Variants in PPM1A observed in about 807,000 individuals in gnomAD.
PPM1A encodes protein phosphatase 1A.
PPM1A carries 7 observed loss-of-function variants against 35.0 expected under a neutral mutation model. The ratio of observed to expected loss-of-function variants is 0.20; its 90% CI spans 0.11 to 0.38. The LOEUF (loss-of-function observed/expected upper bound fraction) is 0.38. Ranked by LOEUF, PPM1A falls within the 10% of genes least tolerant of loss-of-function variation. The pLI, the probability that PPM1A is intolerant of heterozygous loss-of-function variation, is 1.00. For missense variants in PPM1A, 239 were observed against 467.8 expected, an observed-to-expected ratio of 0.51 and a Z score of 4.51; for synonymous variants, 153 against 167.3, an observed-to-expected ratio of 0.91 and a Z score of 0.66.
At chr14:60,278,947 TG>T (rs1886073404) in intron 1 of PPM1A, among the ~76,000 whole-genome samples, 1 of 152,184 alleles carries the variant, frequency 6.6e-6, no homozygotes, top group Admixed American at 6.5e-5. Flanking sequence ...TATGTCACCT[TG>T]GATGGATGGA....
intron 1 of PPM1A, among the ~76,000 whole-genome samples, chr14:60,253,284 T>A (rs1180376509): frequency 6.6e-6 from 1 of 152,146 alleles, no homozygotes; most frequent in African/African-American, 2.4e-5. Context: ...CTAAACTACT[T>A]CTAGATACAG....
At chr14:60,280,828 G>C (rs182345951) in intron 1 of PPM1A, among the ~76,000 whole-genome samples, 293 of 152,234 alleles carry the variant, frequency 1.9e-3, no homozygotes, top group African/African-American at 6.4e-3. Flanking sequence ...TGGAAATTCT[G>C]ATTTGGAAAT....
chr14:60,277,767 G>C (rs1335784213), intron 1 of PPM1A, among the ~76,000 whole-genome samples: 1 of 152,192 alleles, frequency 6.6e-6, no homozygotes, highest in Non-Finnish European at 1.5e-5. Context: ...GCCAGGCTCT[G>C]TATGGGTGCC....
At chr14:60,281,791 T>G (rs1188009759) in intron 1 of PPM1A, among the ~76,000 whole-genome samples, 1 of 152,218 alleles carries the variant, frequency 6.6e-6, no homozygotes, top group Non-Finnish European at 1.5e-5. Context: ...AGCTGAGCCT[T>G]CAGGCTTGTC....
At chr14:60,267,335 G>A (rs904166322) in intron 1 of PPM1A, 42 of 152,002 alleles carry the variant, frequency 2.8e-4, no homozygotes, top group African/African-American at 6.0e-4. Context: ...ATCCCTTTCA[G>A]AATATGATGA....
In PPM1A at chr14:60,296,556, GTTTTTC is replaced by G. The variant is rs1888077565; in HGVS notation, c.*4079_*4084del. On this transcript the variant is annotated 3_prime_UTR_variant, in exon 6 of 6. Transcript: ENST00000395076. This position sits in a 1 kb window ranked among gnomAD's most constrained non-coding sequence, Gnocchi z 4.4. Reference sequence around the variant, plus strand: ...CATTTTTTGAGTATCTAGTCTTCTAGTTTTTCTTTTAGGCATTAGGAAGCCTTCTTT... The same window carrying G: ...CATTTTTTGAGTATCTAGTCTTCTAGTTTTAGGCATTAGGAAGCCTTCTTT... 3.2e-6 allele frequency: 1 copy of G among 315,274 alleles called. No homozygotes were observed. The highest frequency in any genetic ancestry group is 5.9e-6 in the Non-Finnish European group (1 of 170,582). The allele number at this position is 315,274 out of a possible 1,614,324, so 19.5% of individuals were successfully genotyped here.
chr14:60,287,852 T>C, intron 3 of PPM1A: 1 of 984,860 alleles, frequency 1.0e-6, no homozygotes, highest in Non-Finnish European at 1.2e-6. Flanking sequence ...CTGACTACCT[T>C]AGCTTTAAAG....
At chr14:60,285,589 A>G in intron 2 of PPM1A, 35 bp from the exon 3 acceptor site, 9 of 1,606,194 alleles carry the variant, frequency 5.6e-6, no homozygotes, top group Non-Finnish European at 7.7e-6. Flanking sequence ...GAGCAAAAAG[A>G]AAACTAAAAT....
chr14:60,284,849 C>T (rs992823711), intron 2 of PPM1A, among the ~76,000 whole-genome samples: 2 of 151,612 alleles, frequency 1.3e-5, no homozygotes, highest in African/African-American at 4.8e-5. Context: ...AATCAAGGCC[C>T]TTGACTTGGG....
chr14:60,259,893 A>G (rs1346850608), intron 1 of PPM1A, among the ~76,000 whole-genome samples: 1 of 152,030 alleles, frequency 6.6e-6, no homozygotes, highest in Non-Finnish European at 1.5e-5. Flanking sequence ...ACATGCCTTT[A>G]TAGAAATTTA....
Position 60,294,558 on chromosome 14 carries a change from C to T in PPM1A, c.*2076C>T, listed in dbSNP as rs1449774258. On this transcript the variant is annotated 3_prime_UTR_variant, in exon 6 of 6. Coordinates refer to ENST00000395076, the MANE Select transcript of PPM1A (RefSeq NM_021003.5). ...AAAGCTAAATCCCTATTATAACAAACCAGTTCCTTAATATTTTAAGTAGAC... is the reference window on the plus strand; with the variant it reads ...AAAGCTAAATCCCTATTATAACAAATCAGTTCCTTAATATTTTAAGTAGAC... 1 of 151,806 alleles carries T rather than the reference C, an allele frequency of 6.6e-6. No homozygotes were observed. The highest frequency in any genetic ancestry group is 1.5e-5 in the Non-Finnish European group (1 of 67,816). The allele number at this position is 151,806 out of a possible 1,614,324, so 9.4% of individuals were successfully genotyped here. A position where few individuals can be genotyped will look rare whatever the true frequency, so the allele number is the denominator to read the frequency against.
At chr14:60,280,116 C>T (rs886956311) in intron 1 of PPM1A, among the ~76,000 whole-genome samples, 1 of 152,188 alleles carries the variant, frequency 6.6e-6, no homozygotes, top group African/African-American at 2.4e-5. Flanking sequence ...AGCCATTCTT[C>T]TGCCTCAGCC....
chr14:60,247,615 G>C (rs1343906888), upstream of PPM1A, among the ~76,000 whole-genome samples: 1 of 119,112 alleles, frequency 8.4e-6, no homozygotes, highest in Non-Finnish European at 1.6e-5. Context: ...ATGAAAGAGC[G>C]AGACTCTGTC....
At chr14:60,253,275 T>C (rs997685451) in intron 1 of PPM1A, among the ~76,000 whole-genome samples, 1 of 152,166 alleles carries the variant, frequency 6.6e-6, no homozygotes, top group African/African-American at 2.4e-5. Context: ...CTTTTGAGAC[T>C]AAACTACTTC....
chr14:60,246,185 G>A (rs568521734), upstream of PPM1A: 19 of 845,804 alleles, frequency 2.2e-5, no homozygotes, highest in East Asian at 1.1e-4. Flanking sequence ...TTACATTACT[G>A]CATATATTTT....
chr14:60,261,650 A>G (rs1439398068), intron 1 of PPM1A, among the ~76,000 whole-genome samples: 1 of 152,190 alleles, frequency 6.6e-6, no homozygotes, highest in East Asian at 1.9e-4. Flanking sequence ...GTCAGGTCCA[A>G]GTAGGAGGGG....
At chr14:60,263,955 C>CTT (rs372605164) in intron 1 of PPM1A, among the ~76,000 whole-genome samples, 1,781 of 144,522 alleles carry the variant, frequency 0.012, 39 homozygotes, top group African/African-American at 0.042. Context: ...GTAATTTCTA[C>CTT]TTTTTTTTTT....
intron 1 of PPM1A, chr14:60,277,098 ACTAAAATTTCTCT>A (rs1350416279): frequency 8.8e-7 from 1 of 1,138,134 alleles, no homozygotes; most frequent in Non-Finnish European, 1.1e-6. Flanking sequence ...CTAGGTGAGA[ACTAAAATTTCTCT>A]CAGAAACTAA....
chr14:60,254,098 G>C (rs1166282623), intron 1 of PPM1A, among the ~76,000 whole-genome samples: 1 of 152,130 alleles, frequency 6.6e-6, no homozygotes, highest in Non-Finnish European at 1.5e-5. Context: ...TGTTATTATT[G>C]AGTATATGAA....
Sources: gnomAD v4.1 joint callset for allele counts (sites outside exome capture counted in the v4.1 genomes callset) on GRCh38, gnomAD v4.1.1 for gene constraint, Gnocchi (gnomAD v3.1) non-coding constraint, MANE v1.5 for transcripts, NCBI Gene and HGNC (gene_info 2026-07-23, HGNC 2026-07-21) for gene names.